The following SLC26A4 variants were observed in gnomAD, a reference collection of about 807,000 sequenced individuals.
SLC26A4 encodes solute carrier family 26 member 4, also known as pendrin.
Under a neutral mutation model 90.4 loss-of-function variants are expected in SLC26A4, and 93 were observed. That is an observed-to-expected ratio of 1.03 (90% CI 0.87 to 1.22). The LOEUF (loss-of-function observed/expected upper bound fraction) is 1.22, where lower values mean the gene tolerates loss of function less well. SLC26A4 is among the 50% of genes most tolerant of loss of function. The pLI, the probability that SLC26A4 is intolerant of heterozygous loss-of-function variation, is 0.00. For missense variants in SLC26A4, 1,127 were observed against 946.2 expected (o/e 1.19, Z -2.51); for synonymous variants, 393 against 354.6 (o/e 1.11, Z -1.22).
chr7:107,697,902 C>A, intron 13 of SLC26A4, 140 bp from the exon 14 acceptor site: 1 of 687,088 alleles, frequency 1.5e-6, no homozygotes, highest in South Asian at 1.6e-5. Context: ...TCAGAGTTAG[C>A]TACAGGAAAA....
At chr7:107,681,992 A>G (rs1011252287) in intron 6 of SLC26A4, among the ~76,000 whole-genome samples, 1 of 151,894 alleles carries the variant, frequency 6.6e-6, no homozygotes, top group African/African-American at 2.4e-5. Context: ...TACAATAAAT[A>G]AAATAAATAT....
At chr7:107,686,233 T>C (rs1293453144) in intron 8 of SLC26A4, among the ~76,000 whole-genome samples, 2 of 151,124 alleles carry the variant, frequency 1.3e-5, no homozygotes, top group Admixed American at 1.3e-4. Flanking sequence ...GTCATGTTTG[T>C]TACTCTTTCT....
chr7:107,690,177 T>C lies in SLC26A4; in HGVS notation c.1203T>C (p.Phe401=). The C allele has an allele frequency of 1.2e-6, 2 of 1,613,788 alleles. No individual in the cohort carries two copies. The highest frequency in any genetic ancestry group is 1.7e-6 in the Non-Finnish European group (2 of 1,179,704). The part of the protein sequence containing the change: ...SNIFSGFFSC[F]VATTALSRTA... Reference sequence around the variant, plus strand: ...TCTTCTCAGGATTCTTCTCTTGTTTTGTGGCCACCACTGCTCTTTCCCGCA... The same window carrying C: ...TCTTCTCAGGATTCTTCTCTTGTTTCGTGGCCACCACTGCTCTTTCCCGCA... Residue 401 remains phenylalanine, a synonymous_variant, in exon 10 of 21, where the codon TTT becomes TTC. Coordinates refer to ENST00000644269, the MANE Select transcript of SLC26A4 (RefSeq NM_000441.2).
At position 107,675,066 on chromosome 7, in the gene SLC26A4, A is replaced by G. The variant is rs1177066459; in HGVS notation, c.722A>G (p.Asn241Ser). The change falls in exon 6 of 21, where the codon AAT (asparagine) becomes AGT (serine). Residue 241 changes from asparagine (N) to serine (S), a missense_variant. Transcript: ENST00000644269. Reference protein sequence around the residue: ...VLVSQLKIVLNVSTKNYNGVL... With the variant: ...VLVSQLKIVLSVSTKNYNGVL... ...GTCTCACAGCTAAAGATTGTCCTCAATGTTTCAACCAAAAACTACAATGGA... is the reference window on the plus strand; with the variant it reads ...GTCTCACAGCTAAAGATTGTCCTCAGTGTTTCAACCAAAAACTACAATGGA... 15 of 1,614,010 alleles carry G rather than the reference A, an allele frequency of 9.3e-6. No individual in the cohort carries two copies. Among genetic ancestry groups the G allele is most frequent in the African/African-American group, 1.3e-5 (1 of 74,908 alleles).
At position 107,674,967 on chromosome 7, in the gene SLC26A4, T is replaced by C; in HGVS notation, c.623T>C (p.Ile208Thr). The change falls in exon 6 of 21, where the codon ATT becomes ACT. Residue 208 changes from isoleucine to threonine, a missense_variant. By Grantham distance (89) the Ile-to-Thr change is moderately conservative (BLOSUM62 -1). Coordinates refer to ENST00000644269, the MANE Select transcript of SLC26A4 (RefSeq NM_000441.2). ...TAGTTGATATTTGGTGGCTTGCAGA[T>C]TGGATTCATAGTGAGGTACTTGGCA... ...IIQLIFGGLQ[I>T]GFIVRYLADP... The C allele has an allele frequency of 1.9e-6, 3 of 1,614,030 alleles. No homozygotes were observed. The highest frequency in any genetic ancestry group is 1.7e-6 in the Non-Finnish European group (2 of 1,179,982).
In SLC26A4 at chr7:107,686,663, A is replaced by T. The variant is rs149193643; in HGVS notation, c.1002-2390A>T. Among the ~76,000 whole-genome samples, 972 of 151,942 alleles carry T rather than the reference A, an allele frequency of 6.4e-3. 8 individuals carry two copies. Among genetic ancestry groups the T allele is most frequent in the African/African-American group, 0.023 (943 of 41,412 alleles). ...CTGCCATGCCTGGCTAATTTTTAGTAGAGACGGGGTTTCACCATGTTGGCC... is the reference window on the plus strand; with the variant it reads ...CTGCCATGCCTGGCTAATTTTTAGTTGAGACGGGGTTTCACCATGTTGGCC... On this transcript the variant is annotated intron_variant, in intron 8 of 20. Coordinates refer to ENST00000644269, the MANE Select transcript of SLC26A4 (RefSeq NM_000441.2).
At position 107,717,757 on chromosome 7, in the gene SLC26A4, A is replaced by G. The variant is rs1792383297; in HGVS notation, c.*2311A>G. ...TGAAAATATTTGCACACATTTAAAA[A>G]TAAATGTAAAGTTGTCTTTTAAACT... On this transcript the variant is annotated 3_prime_UTR_variant, in exon 21 of 21. Coordinates refer to ENST00000644269, the MANE Select transcript of SLC26A4 (RefSeq NM_000441.2). The G allele has an allele frequency of 6.5e-6, 1 of 152,682 alleles. No homozygotes were observed. The highest frequency in any genetic ancestry group is 6.5e-5 in the Admixed American group (1 of 15,288). The allele number at this position is 152,682 out of a possible 1,614,324, so 9.5% of individuals were successfully genotyped here. A position where few individuals can be genotyped will look rare whatever the true frequency, so the allele number is the denominator to read the frequency against.
At position 107,683,224 on chromosome 7, in the gene SLC26A4, A is replaced by T. The variant is rs774602992; in HGVS notation, c.788A>T (p.Asn263Ile). ...TAGACGCTGGTTGAGATTTTTCAAAATATTGGTGATACCAATCTTGCTGAT... is the reference window on the plus strand; with the variant it reads ...TAGACGCTGGTTGAGATTTTTCAAATTATTGGTGATACCAATCTTGCTGAT... ...IIYTLVEIFQ[N>I]IGDTNLADFT... Residue 263 changes from asparagine to isoleucine, a missense_variant, in exon 7 of 21, where the codon AAT becomes ATT. By Grantham distance (149) the Asn-to-Ile change is moderately radical. Coordinates refer to ENST00000644269, the MANE Select transcript of SLC26A4 (RefSeq NM_000441.2). 6.2e-7 allele frequency: 1 copy of T among 1,612,588 alleles called. No individual in the cohort carries two copies. The highest frequency in any genetic ancestry group is 8.5e-7 in the Non-Finnish European group (1 of 1,179,834).
At chr7:107,695,204 A>T (rs1358595881) in intron 12 of SLC26A4, among the ~76,000 whole-genome samples, 3 of 152,186 alleles carry the variant, frequency 2.0e-5, no homozygotes, top group Non-Finnish European at 4.4e-5. Context: ...ACATATTGAT[A>T]TGGAAAATTT....
intron 6 of SLC26A4, among the ~76,000 whole-genome samples, chr7:107,681,514 A>G (rs1330136895): frequency 6.6e-6 from 1 of 152,210 alleles, no homozygotes; most frequent in Non-Finnish European, 1.5e-5. Flanking sequence ...ATAAACTATA[A>G]GATGCTCCAT....
At chr7:107,692,587 G>T (rs1038359980) in intron 10 of SLC26A4, among the ~76,000 whole-genome samples, 1 of 152,198 alleles carries the variant, frequency 6.6e-6, no homozygotes, top group African/African-American at 2.4e-5. Flanking sequence ...TTTGCTGAAT[G>T]AATGAATGGA....
Position 107,670,973 on chromosome 7 carries a change from GTTGTC to G in SLC26A4, c.305-1158_305-1154del, listed in dbSNP as rs142406194. On this transcript the variant is annotated intron_variant, in intron 3 of 20. Coordinates refer to ENST00000644269, the MANE Select transcript of SLC26A4 (RefSeq NM_000441.2). ...AGTTGGTCAACTTCATCAGGGTAGA[GTTGTC>G]TTGTCTGCTGCTGAGTATAATTATC... is the stretch of plus-strand genomic sequence containing the variant. 9.7e-3 allele frequency among the ~76,000 whole-genome samples: 1,482 copies of G among 152,228 alleles called. 20 individuals are homozygous for G. Among genetic ancestry groups the G allele is most frequent in the African/African-American group, 0.034 (1,392 of 41,524 alleles).
Position 107,683,532 on chromosome 7 carries a change from AAGGGGGTGAGTG to A in SLC26A4, c.997_1001+7del. 3 of 1,613,332 alleles carry A rather than the reference AAGGGGGTGAGTG, an allele frequency of 1.9e-6. No individual in the cohort carries two copies. The highest frequency in any genetic ancestry group is 1.7e-6 in the Non-Finnish European group (2 of 1,179,390). ...ATGCTGGCATTGTTAAATCCATCCC[AAGGGGGTGAGTG>A]TGGTGTTCCTCTTAGTACTAATACA... On this transcript the variant is annotated splice_donor_variant and splice_donor_5th_base_variant and coding_sequence_variant and intron_variant, in exon 8 of 21. Transcript: ENST00000644269. LOFTEE classifies it high-confidence loss of function.
chr7:107,692,034 G>C (rs1336378294), intron 10 of SLC26A4: 1 of 1,289,272 alleles, frequency 7.8e-7, no homozygotes, highest in African/African-American at 1.5e-5. Flanking sequence ...CCATTCTCCT[G>C]ATGTTACCTC....
At chr7:107,683,684 A>T (rs766208848) in intron 8 of SLC26A4, 147 bp downstream of exon 8, 5 of 694,578 alleles carry the variant, frequency 7.2e-6, no homozygotes, top group Non-Finnish European at 1.2e-5. Flanking sequence ...AACAACCATA[A>T]GACAAACAGT....
intron 3 of SLC26A4, among the ~76,000 whole-genome samples, chr7:107,664,473 C>A (rs1013913055): frequency 6.6e-6 from 1 of 151,972 alleles, no homozygotes; most frequent in Admixed American, 6.5e-5. Flanking sequence ...CTCAAGTGAT[C>A]CGCCCTCCTT....
At chr7:107,693,538 CTTCT>C (rs1218549259) in intron 10 of SLC26A4, 1 of 985,160 alleles carries the variant, frequency 1.0e-6, no homozygotes. Context: ...GTCTCCTTTT[CTTCT>C]TTGTTTCAGA....
Position 107,701,950 on chromosome 7 carries a change from G to A in SLC26A4, c.1927G>A (p.Glu643Lys). Residue 643 changes from glutamate to lysine, a missense_variant, in exon 17 of 21, where the codon GAG becomes AAG. Glu to Lys is a moderately conservative substitution (Grantham distance 56, BLOSUM62 1). Transcript: ENST00000644269. Reference sequence around the variant, plus strand: ...AGAGATTCAAGTGGATTGGAACTCTGAGCTTCCAGTCAAAGTGAACGTTCC... The same window carrying A: ...AGAGATTCAAGTGGATTGGAACTCTAAGCTTCCAGTCAAAGTGAACGTTCC... ...EIEIQVDWNS[E>K]LPVKVNVPKV... 1 of 1,613,326 alleles carries A rather than the reference G, an allele frequency of 6.2e-7. No individual in the cohort carries two copies.
intron 3 of SLC26A4, among the ~76,000 whole-genome samples, chr7:107,669,985 G>A (rs542807899): frequency 4.6e-4 from 70 of 152,262 alleles, no homozygotes; most frequent in African/African-American, 1.4e-3. Flanking sequence ...GAGAGTTTCC[G>A]CTGCATTGGC....
Sources: allele counts gnomAD v4.1 joint callset (sites outside exome capture counted in the v4.1 genomes callset), GRCh38; gene constraint gnomAD v4.1.1; transcripts MANE v1.5; gene names NCBI Gene and HGNC (gene_info 2026-07-23, HGNC 2026-07-21).